SHCBP1: variants seen among roughly 807,000 people sequenced by gnomAD.
SHCBP1 encodes SHC SH2 domain-binding protein 1.
Under a neutral mutation model 75.1 loss-of-function variants are expected in SHCBP1, and 60 were observed. That is an observed-to-expected ratio of 0.80 (90% CI 0.65 to 0.99). The LOEUF (loss-of-function observed/expected upper bound fraction) is 0.99. SHCBP1 is among the 50% of genes least tolerant of loss of function. SHCBP1 has a pLI of 0.00. For synonymous variants in SHCBP1, 290 were observed against 293.2 expected (o/e 0.99, Z 0.11); for missense variants, 709 against 809.4 (o/e 0.88, Z 1.50).
At chr16:46,584,608 A>C (rs1292688229) in intron 10 of SHCBP1, among the ~76,000 whole-genome samples, 1 of 152,164 alleles carries the variant, frequency 6.6e-6, no homozygotes, top group East Asian at 1.9e-4. Flanking sequence ...CTATGAGTCC[A>C]ACAATGGCTT....
chr16:46,607,011 G>A (rs1965336003), intron 5 of SHCBP1, among the ~76,000 whole-genome samples: 1 of 151,920 alleles, frequency 6.6e-6, no homozygotes, highest in Non-Finnish European at 1.5e-5. Context: ...GTTTCGTAGA[G>A]GTGGGGTCTC....
At chr16:46,614,261 A>G (rs1965461844) in intron 4 of SHCBP1, among the ~76,000 whole-genome samples, 1 of 152,210 alleles carries the variant, frequency 6.6e-6, no homozygotes, top group South Asian at 2.1e-4. Flanking sequence ...TTTGCAGAGC[A>G]TTCGAGTTAA....
intron 9 of SHCBP1, 126 bp downstream of exon 9, chr16:46,599,705 A>T: frequency 2.7e-6 from 1 of 377,126 alleles, no homozygotes. Flanking sequence ...CAGCATCGTG[A>T]AGTGCAATAA....
chr16:46,608,173 C>G (rs1567451439), intron 5 of SHCBP1, 124 bp downstream of exon 5: 2 of 617,658 alleles, frequency 3.2e-6, no homozygotes, highest in Admixed American at 3.0e-5. Flanking sequence ...GAAAGAAAAT[C>G]AGAGAGAGAG....
chr16:46,616,166 A>C lies in SHCBP1; in HGVS notation c.388-12T>G. The C allele has an allele frequency of 1.2e-6, 2 of 1,610,620 alleles. No individual in the cohort carries two copies. The highest frequency in any genetic ancestry group is 1.7e-6 in the Non-Finnish European group (2 of 1,177,676). ...TCCACATCTGTGATCTGAAATTTAA[A>C]ATAATGTGACTTAACACATGGAAAT... On this transcript the variant is annotated splice_polypyrimidine_tract_variant and intron_variant, in intron 3 of 12. Transcript: ENST00000303383. This position sits in a 1 kb window ranked among gnomAD's most constrained non-coding sequence, Gnocchi z 4.4.
At chr16:46,593,853 C>G (rs1965089772) in intron 10 of SHCBP1, among the ~76,000 whole-genome samples, 1 of 152,096 alleles carries the variant, frequency 6.6e-6, no homozygotes. Flanking sequence ...TATTAAAGTT[C>G]CTATCAAAAT....
intron 10 of SHCBP1, among the ~76,000 whole-genome samples, chr16:46,589,486 CAAAATCAATGTGCA>C (rs1271219350): frequency 1.3e-5 from 2 of 152,160 alleles, no homozygotes; most frequent in African/African-American, 2.4e-5. Flanking sequence ...TCTCAGGATA[CAAAATCAATGTGCA>C]AAAATCACAA....
At chr16:46,604,167 TC>T (rs1444324786) in intron 6 of SHCBP1, 24 bp from the exon 7 acceptor site, 1 of 1,613,132 alleles carries the variant, frequency 6.2e-7, no homozygotes, top group Non-Finnish European at 8.5e-7. Context: ...AACAGGCCTA[TC>T]AGTAAGACAG....
At chr16:46,595,740 C>T (rs1039358608) in intron 9 of SHCBP1, 70 bp from the exon 10 acceptor site, 24 of 1,079,944 alleles carry the variant, frequency 2.2e-5, no homozygotes, top group African/African-American at 1.2e-4. Flanking sequence ...GATAGCCTCG[C>T]GCTGACATTA....
Position 46,618,385 on chromosome 16 carries a change from A to G in SHCBP1, c.104-13T>C. 6.4e-7 allele frequency: 1 copy of G among 1,561,288 alleles called. No individual in the cohort carries two copies. The highest frequency in any genetic ancestry group is 8.6e-7 in the Non-Finnish European group (1 of 1,158,656). On this transcript the variant is annotated splice_polypyrimidine_tract_variant and intron_variant, in intron 1 of 12. Coordinates refer to ENST00000303383, the MANE Select transcript of SHCBP1 (RefSeq NM_024745.5). The stretch of plus-strand genomic sequence containing the variant: ...TCTTGGAACAAACCTAAAAAAAAAA[A>G]GCAAAAATAAGCAAGCTCCAGTGCC...
At chr16:46,599,691 AACTCAGCATCGTGAAGTGCAAT>A in intron 9 of SHCBP1, 118 bp downstream of exon 9, 1 of 354,360 alleles carries the variant, frequency 2.8e-6, no homozygotes, top group Non-Finnish European at 4.9e-6. Flanking sequence ...AAAAAAAAAA[AACTCAGCATCGTGAAGTGCAAT>A]AAAACAAGGT....
At chr16:46,597,047 C>T (rs1451809649) in intron 9 of SHCBP1, among the ~76,000 whole-genome samples, 1 of 152,156 alleles carries the variant, frequency 6.6e-6, no homozygotes, top group African/African-American at 2.4e-5. Flanking sequence ...ATCAGTCTTC[C>T]ATACACACTC....
chr16:46,609,442 CTTTTTTTTTTTTTTTTTT>C (rs71158875), intron 4 of SHCBP1, among the ~76,000 whole-genome samples: 3 of 61,304 alleles, frequency 4.9e-5, no homozygotes, highest in Non-Finnish European at 8.3e-5. Context: ...CTTTTCTTTT[CTTTTTTTTTTTTTTTTTT>C]TTTTTTTTGA....
At position 46,578,631 on chromosome 16, in the gene SHCBP1, G is replaced by A. The variant is rs1964826908; in HGVS notation, c.*3098C>T. On this transcript the variant is annotated 3_prime_UTR_variant, in exon 13 of 13. Coordinates refer to ENST00000303383, the MANE Select transcript of SHCBP1 (RefSeq NM_024745.5). ...ATATATTTTTTTCTATTAATAGTGA[G>A]AACTAAAAAAAGAGGAGAATGTTCA... 6.6e-6 allele frequency among the ~76,000 whole-genome samples: 1 copy of A among 151,360 alleles called. No individual in the cohort carries two copies. Among genetic ancestry groups the A allele is most frequent in the African/African-American group, 2.4e-5 (1 of 41,202 alleles).
chr16:46,582,178 TCA>T (rs533036429), intron 12 of SHCBP1, 124 bp from the exon 13 acceptor site: 65 of 866,832 alleles, frequency 7.5e-5, no homozygotes, highest in African/African-American at 7.5e-4. Context: ...TCCCTGACCC[TCA>T]CACAGGATCA....
chr16:46,605,117 C>G (rs1174241771), intron 5 of SHCBP1, among the ~76,000 whole-genome samples: 2 of 152,150 alleles, frequency 1.3e-5, no homozygotes, highest in African/African-American at 2.4e-5. Flanking sequence ...CATTACTAAT[C>G]TAGAGAGTGA....
intron 1 of SHCBP1, chr16:46,620,390 C>A (rs1311199558): frequency 6.6e-6 from 1 of 152,382 alleles, no homozygotes; most frequent in East Asian, 1.9e-4. Flanking sequence ...CCCCAACCCA[C>A]TGGCAACTAC....
In SHCBP1 at chr16:46,618,339, C is replaced by T. The variant is rs758719965; in HGVS notation, c.137G>A (p.Cys46Tyr). Residue 46 changes from cysteine (C) to tyrosine (Y), a missense_variant, in exon 2 of 13, where the codon TGT becomes TAT. Cys to Tyr is a radical substitution (Grantham distance 194, BLOSUM62 -2). Coordinates refer to ENST00000303383, the MANE Select transcript of SHCBP1 (RefSeq NM_024745.5). ...LFQDEDSCSD[C>Y]SYRDKPGSSL... ...AGAACCTGGTTTATCACGGTAGCTA[C>T]AATCACTGCATGAATCTTCATCTTG... 1.2e-6 allele frequency: 2 copies of T among 1,610,360 alleles called. No homozygotes were observed. The highest frequency in any genetic ancestry group is 1.1e-5 in the South Asian group (1 of 90,074).
Position 46,584,083 on chromosome 16 carries a change from C to G in SHCBP1, c.1471G>C (p.Gly491Arg). The change falls in exon 11 of 13, where the codon GGT becomes CGT. Residue 491 changes from glycine to arginine, a missense_variant. Coordinates refer to ENST00000303383, the MANE Select transcript of SHCBP1 (RefSeq NM_024745.5). Reference protein sequence around the residue: ...NSDLYGAKGAGIEIYPGSQCT... With the variant: ...NSDLYGAKGARIEIYPGSQCT... ...TGACTCCCAGGGTAGATTTCTATAC[C>G]AGCACCCTGTGAGTCACAGTTTGAG... 6.3e-7 allele frequency: 1 copy of G among 1,593,864 alleles called. No homozygotes were observed. Among genetic ancestry groups the G allele is most frequent in the Admixed American group, 1.7e-5 (1 of 57,674 alleles).
Sources: allele counts gnomAD v4.1 joint callset (sites outside exome capture counted in the v4.1 genomes callset), GRCh38; gene constraint gnomAD v4.1.1; non-coding constraint Gnocchi (gnomAD v3.1); transcripts MANE v1.5; gene names NCBI Gene and HGNC (gene_info 2026-07-23, HGNC 2026-07-21).